Variants in LUZP2 observed in about 807,000 individuals in gnomAD.
The protein encoded by LUZP2 is leucine zipper protein 2.
In LUZP2, 52 loss-of-function variants were observed where a neutral mutation model predicts 51.6. That is an observed-to-expected ratio of 1.01 (90% CI 0.81 to 1.27). The LOEUF is 1.27. Ranked by LOEUF, LUZP2 falls within the 50% of genes most tolerant of loss-of-function variation. The pLI is 0.00. For missense variants in LUZP2, 436 were observed against 395.4 expected, an observed-to-expected ratio of 1.10 and a Z score of -0.87; for synonymous variants, 154 against 137.3, an observed-to-expected ratio of 1.12 and a Z score of -0.85.
rs372833469 is a variant in LUZP2, at chr11:24,639,229, C to A, written c.63-89940C>A. Reference sequence around the variant, plus strand: ...TTTGTTTTCTTAATTTTGCATTTTACATTTTCACATTTCTTTCCTGTTTTT... The same window carrying A: ...TTTGTTTTCTTAATTTTGCATTTTAAATTTTCACATTTCTTTCCTGTTTTT... On this transcript the variant is annotated intron_variant, in intron 1 of 11. Transcript: ENST00000336930. 8.6e-5 allele frequency among the ~76,000 whole-genome samples: 13 copies of A among 151,836 alleles called. No individual in the cohort carries two copies. In the East Asian group the frequency reaches 1.2e-3, roughly 14 times the overall value.
chr11:24,817,050 T>G (rs2134149049), intron 5 of LUZP2, among the ~76,000 whole-genome samples: 1 of 152,080 alleles, frequency 6.6e-6, no homozygotes, highest in African/African-American at 2.4e-5. Context: ...AATGCAGTGG[T>G]TTTGTCCTGT....
chr11:24,948,338 A>T (rs1177202004), intron 7 of LUZP2, among the ~76,000 whole-genome samples: 9 of 151,430 alleles, frequency 5.9e-5, no homozygotes, highest in African/African-American at 2.2e-4. Context: ...CCTTCATTTA[A>T]TTACTTAAAT....
rs1206500530 is a variant in LUZP2, at chr11:24,698,756, C to T, written c.63-30413C>T. ...GCCAGCTTCATCCTCAACATCATCTCATCCCTTCTTAAAACCAGTTATCCA... is the reference window on the plus strand; with the variant it reads ...GCCAGCTTCATCCTCAACATCATCTTATCCCTTCTTAAAACCAGTTATCCA... On this transcript the variant is annotated intron_variant, in intron 1 of 11. Transcript: ENST00000336930. 3.9e-5 allele frequency among the ~76,000 whole-genome samples: 6 copies of T among 152,072 alleles called. No homozygotes were observed. In the South Asian group the frequency reaches 8.3e-4, roughly 21 times the overall value.
rs541487596 is a variant in LUZP2, at chr11:24,890,584, G to A, written c.397-15407G>A. Among the ~76,000 whole-genome samples the A allele has an allele frequency of 9.2e-5, 14 of 152,188 alleles. No homozygotes were observed. In the South Asian group the frequency reaches 2.9e-3, roughly 32 times the overall value. On this transcript the variant is annotated intron_variant, in intron 5 of 11. Transcript: ENST00000336930. ...TGAAAGCTGAAGTTAAGGAGGTGGG[G>A]GAGCATTAAAGAGGATCATCAAAAG...
chr11:24,855,766 G>A (rs1263565555), intron 5 of LUZP2, among the ~76,000 whole-genome samples: 2 of 152,022 alleles, frequency 1.3e-5, no homozygotes, highest in African/African-American at 2.4e-5. Flanking sequence ...TGTAAAAATA[G>A]ATAGAACAAT....
rs1161711023 is a variant in LUZP2, at chr11:24,983,240, C to CTCCCACCCAGGA, written c.713_724dup (p.Arg241_Asn242insIleProProArg). Reference sequence around the variant, plus strand: ...CACATCAAATCCAACTCGGATGTTACTCCCACCCAGGAATATTGCCTCTAA... The same window carrying CTCCCACCCAGGA: ...CACATCAAATCCAACTCGGATGTTACTCCCACCCAGGATCCCACCCAGGAATATTGCCTCTAA... On this transcript the variant is annotated inframe_insertion, in exon 9 of 12. Transcript: ENST00000336930. 1 of 1,612,140 alleles carries CTCCCACCCAGGA rather than the reference C, an allele frequency of 6.2e-7. No homozygotes were observed. Among genetic ancestry groups the CTCCCACCCAGGA allele is most frequent in the African/African-American group, 1.3e-5 (1 of 74,746 alleles).
rs763722593 is a variant in LUZP2, at chr11:24,671,937, A to T, written c.63-57232A>T. On this transcript the variant is annotated intron_variant, in intron 1 of 11. Transcript: ENST00000336930. ...TTTCTTTTTCTTTTTGCTTGCTCTC[A>T]GTAGGAAAAAAAACCACTCAATTTG... Among the ~76,000 whole-genome samples the T allele has an allele frequency of 3.3e-5, 5 of 152,216 alleles. No homozygotes were observed. In the East Asian group the frequency reaches 9.6e-4, roughly 29 times the overall value.
chr11:24,778,582 C>T (rs369122263), intron 5 of LUZP2, among the ~76,000 whole-genome samples: 11 of 151,870 alleles, frequency 7.2e-5, no homozygotes, highest in African/African-American at 2.7e-4. Flanking sequence ...CTGGTTACTG[C>T]GACATGCTGC....
chr11:24,958,713 C>T (rs1474713523), intron 7 of LUZP2, among the ~76,000 whole-genome samples: 1 of 152,126 alleles, frequency 6.6e-6, no homozygotes, highest in Non-Finnish European at 1.5e-5. Context: ...TGCCTGTTCA[C>T]TCTGATGTTA....
chr11:24,920,992 A>G (rs1294246468), intron 7 of LUZP2, among the ~76,000 whole-genome samples: 1 of 152,154 alleles, frequency 6.6e-6, no homozygotes, highest in African/African-American at 2.4e-5. Context: ...TAATATATCC[A>G]TTAAAAATAA....
intron 5 of LUZP2, among the ~76,000 whole-genome samples, chr11:24,901,922 TC>T (rs1372714791): frequency 6.6e-6 from 1 of 152,204 alleles, no homozygotes; most frequent in Non-Finnish European, 1.5e-5. Context: ...ATCAAATCTT[TC>T]TTATCATTTT....
At chr11:24,811,868 A>G (rs1459777696) in intron 5 of LUZP2, among the ~76,000 whole-genome samples, 1 of 152,140 alleles carries the variant, frequency 6.6e-6, no homozygotes, top group Non-Finnish European at 1.5e-5. Flanking sequence ...GGGCTACCCT[A>G]GTTTTCAAAG....
intron 5 of LUZP2, among the ~76,000 whole-genome samples, chr11:24,807,392 C>T (rs763983898): frequency 1.0e-4 from 15 of 149,412 alleles, no homozygotes; most frequent in Non-Finnish European, 1.9e-4. Context: ...AATCCGGAGG[C>T]GGAGGTTGCA....
intron 1 of LUZP2, among the ~76,000 whole-genome samples, chr11:24,720,057 A>G (rs531636842): frequency 6.6e-6 from 1 of 152,350 alleles, no homozygotes; most frequent in Admixed American, 6.5e-5. Flanking sequence ...AAATTATTAA[A>G]TATTATGTAA....
rs117993380 is a variant in LUZP2 at position 24,986,063 on chromosome 11, C to T, written c.765+2770C>T. 9.5e-3 allele frequency among the ~76,000 whole-genome samples: 1,440 copies of T among 151,742 alleles called. 12 individuals carry two copies. The highest frequency in any genetic ancestry group is 0.016 in the Non-Finnish European group (1,064 of 67,740). ...AGATACTCTCTAATGTATATTTAAG[C>T]TGAGAGCCATGACTTTTCTATGTCT... is the stretch of plus-strand genomic sequence containing the variant. On this transcript the variant is annotated intron_variant, in intron 9 of 11. Coordinates refer to ENST00000336930, the MANE Select transcript of LUZP2 (RefSeq NM_001009909.4).
At chr11:24,641,344 A>T (rs183300034) in intron 1 of LUZP2, among the ~76,000 whole-genome samples, 15 of 151,982 alleles carry the variant, frequency 9.9e-5, no homozygotes, top group Admixed American at 9.8e-4. Flanking sequence ...AATCTGAATG[A>T]CCTTAATTTG....
At chr11:24,912,046 G>A (rs1183140980) in intron 6 of LUZP2, among the ~76,000 whole-genome samples, 1 of 152,098 alleles carries the variant, frequency 6.6e-6, no homozygotes, top group Non-Finnish European at 1.5e-5. Context: ...ACAGAGTTAA[G>A]TGATACAGAA....
chr11:24,548,969 A>G (rs1851642905), intron 1 of LUZP2, among the ~76,000 whole-genome samples: 1 of 151,926 alleles, frequency 6.6e-6, no homozygotes, highest in Admixed American at 6.6e-5. Context: ...ACTGCTATAG[A>G]CTTTACAAAT....
At chr11:24,879,353 A>G (rs1234494084) in intron 5 of LUZP2, among the ~76,000 whole-genome samples, 3 of 152,174 alleles carry the variant, frequency 2.0e-5, no homozygotes, top group Non-Finnish European at 2.9e-5. Flanking sequence ...TGACTTTGCT[A>G]TTGTAAACAG....
Sources: gnomAD v4.1 joint callset for allele counts (sites outside exome capture counted in the v4.1 genomes callset) on GRCh38, gnomAD v4.1.1 for gene constraint, MANE v1.5 for transcripts, NCBI Gene and HGNC (gene_info 2026-07-23, HGNC 2026-07-21) for gene names.